CLASP1: variants seen among roughly 807,000 people sequenced by gnomAD.
The protein encoded by CLASP1 is cytoplasmic linker associated protein 1.
In CLASP1, 38 loss-of-function variants were observed where a neutral mutation model predicts 192.3. That is an observed-to-expected ratio of 0.20 (90% CI 0.15 to 0.26). The LOEUF (loss-of-function observed/expected upper bound fraction) is 0.26. Among genes scored for constraint, CLASP1 ranks in the 10% least tolerant of loss-of-function variants. CLASP1 has a pLI of 1.00. For synonymous variants in CLASP1, 691 were observed against 712.8 expected, an observed-to-expected ratio of 0.97 and a Z score of 0.49; for missense variants, 1,433 against 1,932.5, an observed-to-expected ratio of 0.74 and a Z score of 4.85.
At position 121,598,425 on chromosome 2, in the gene CLASP1, C is replaced by T. The variant is rs541685995; in HGVS notation, c.195+7276G>A. Among the ~76,000 whole-genome samples, 4 of 152,348 alleles carry T rather than the reference C, an allele frequency of 2.6e-5. No homozygotes were observed. In the East Asian group the frequency reaches 7.7e-4, roughly 29 times the overall value. On this transcript the variant is annotated intron_variant, in intron 2 of 39. Transcript: ENST00000263710. Reference sequence around the variant, plus strand: ...AACACAGCCAAGCCTGTTCATTTACCTATTACCTGTCACTGCTTTTGCAAT... The same window carrying T: ...AACACAGCCAAGCCTGTTCATTTACTTATTACCTGTCACTGCTTTTGCAAT...
chr2:121,633,028 A>ATATATATATATATATATACATATG, intron 1 of CLASP1, among the ~76,000 whole-genome samples: 1 of 137,554 alleles, frequency 7.3e-6, no homozygotes, highest in East Asian at 2.2e-4. Flanking sequence ...ATATATATAT[A>ATATATATATATATATATACATATG]GGCTTTTTTT....
intron 30 of CLASP1, among the ~76,000 whole-genome samples, chr2:121,392,175 T>C (rs2074478070): frequency 1.3e-5 from 2 of 152,204 alleles, no homozygotes; most frequent in African/African-American, 2.4e-5. Flanking sequence ...CTAAATCTGT[T>C]GCTTCATTTG....
chr2:121,391,841 T>A (rs879719394), intron 30 of CLASP1, among the ~76,000 whole-genome samples: 1 of 151,550 alleles, frequency 6.6e-6, no homozygotes, highest in Non-Finnish European at 1.5e-5. Context: ...GAGGTGGAGG[T>A]TGCAGTGAGC....
intron 2 of CLASP1, among the ~76,000 whole-genome samples, chr2:121,582,620 G>C (rs545592784): frequency 6.8e-5 from 10 of 148,044 alleles, no homozygotes; most frequent in Admixed American, 2.0e-4. Context: ...AAAAGGAAAG[G>C]GAAAGGGAAA....
intron 37 of CLASP1, among the ~76,000 whole-genome samples, chr2:121,359,237 T>C (rs1375035275): frequency 1.3e-5 from 2 of 152,250 alleles, no homozygotes; most frequent in African/African-American, 2.4e-5. Context: ...AACATTTGTA[T>C]AGCATATGAC....
chr2:121,444,357 G>A (rs1226842576), intron 19 of CLASP1, among the ~76,000 whole-genome samples: 1 of 152,198 alleles, frequency 6.6e-6, no homozygotes, highest in Non-Finnish European at 1.5e-5. Context: ...GTAAATGAAT[G>A]AATGGGGTGT....
chr2:121,493,377 G>A (rs917383451), intron 8 of CLASP1, among the ~76,000 whole-genome samples: 6 of 152,106 alleles, frequency 3.9e-5, no homozygotes, highest in African/African-American at 9.7e-5. Context: ...CAACAGTGCC[G>A]AAAAGAACAC....
chr2:121,450,115 A>G (rs1274790056), intron 16 of CLASP1, among the ~76,000 whole-genome samples: 6 of 152,060 alleles, frequency 3.9e-5, no homozygotes, highest in Admixed American at 1.3e-4. Context: ...GTGGATCACG[A>G]GGTCAGGAGA....
At chr2:121,461,260 C>A in intron 10 of CLASP1, 67 bp from the exon 11 acceptor site, 1 of 856,190 alleles carries the variant, frequency 1.2e-6, no homozygotes, top group Non-Finnish European at 1.8e-6. Context: ...TTCTTAATTA[C>A]ATGAAGTCAA....
chr2:121,506,646 TC>T (rs2150284192), intron 7 of CLASP1, among the ~76,000 whole-genome samples: 1 of 152,082 alleles, frequency 6.6e-6, no homozygotes, highest in Admixed American at 6.5e-5. Flanking sequence ...GCCTCTAATG[TC>T]CCCACTGGCT....
intron 19 of CLASP1, among the ~76,000 whole-genome samples, chr2:121,446,219 C>T (rs1341124620): frequency 1.3e-5 from 2 of 152,224 alleles, no homozygotes; most frequent in Non-Finnish European, 2.9e-5. Context: ...CACAATCACA[C>T]TTTCTTCCAC....
intron 7 of CLASP1, among the ~76,000 whole-genome samples, chr2:121,514,564 T>C (rs1379667980): frequency 6.6e-6 from 1 of 150,866 alleles, no homozygotes; most frequent in Non-Finnish European, 1.5e-5. Flanking sequence ...GTAAAGAACA[T>C]GAAAAGTAGT....
intron 30 of CLASP1, among the ~76,000 whole-genome samples, chr2:121,396,171 T>C (rs1198382051): frequency 2.0e-5 from 3 of 152,182 alleles, no homozygotes; most frequent in Non-Finnish European, 4.4e-5. Flanking sequence ...GAAATTCCTC[T>C]GAAGATCAGG....
At chr2:121,399,813 A>C (rs1018615205) in intron 28 of CLASP1, among the ~76,000 whole-genome samples, 1 of 152,242 alleles carries the variant, frequency 6.6e-6, no homozygotes, top group Non-Finnish European at 1.5e-5. Context: ...TATGAAATAG[A>C]TCTGGTCATT....
chr2:121,573,081 T>C (rs2060132380), intron 2 of CLASP1, among the ~76,000 whole-genome samples: 1 of 152,178 alleles, frequency 6.6e-6, no homozygotes, highest in African/African-American at 2.4e-5. Flanking sequence ...TGCCTTGGCC[T>C]CTCTAGTAGC....
exon 31 of CLASP1, chr2:121,387,787 G>C (rs895331148): frequency 3.7e-6 from 6 of 1,613,818 alleles, no homozygotes; most frequent in African/African-American, 2.7e-5. Context: ...TGGAATTCTT[G>C]AGGTGGTTGT....
intron 2 of CLASP1, among the ~76,000 whole-genome samples, chr2:121,590,907 G>GC (rs2062318200): frequency 7.4e-6 from 1 of 135,526 alleles, no homozygotes; most frequent in Non-Finnish European, 1.5e-5. Context: ...TCGCTCTGTT[G>GC]CCCAGGCTGG....
At chr2:121,490,043 C>A (rs1388271778) in intron 8 of CLASP1, among the ~76,000 whole-genome samples, 1 of 151,650 alleles carries the variant, frequency 6.6e-6, no homozygotes, top group Admixed American at 6.6e-5. Context: ...CTAGCCTCAG[C>A]CTACTGTGCC....
chr2:121,368,846 G>C (rs1435113345), intron 34 of CLASP1, among the ~76,000 whole-genome samples: 4 of 152,074 alleles, frequency 2.6e-5, no homozygotes, highest in Non-Finnish European at 4.4e-5. Flanking sequence ...ATACCATTTT[G>C]ATCATTCCTA....
Sources: gnomAD v4.1 joint callset for allele counts (sites outside exome capture counted in the v4.1 genomes callset) on GRCh38, gnomAD v4.1.1 for gene constraint, MANE v1.5 for transcripts, NCBI Gene and HGNC (gene_info 2026-07-23, HGNC 2026-07-21) for gene names.